The following EMID1 variants were observed in gnomAD, a reference collection of about 807,000 sequenced individuals.
EMID1 encodes the protein EMI domain containing 1.
EMID1 carries 40 observed loss-of-function variants against 60.6 expected under a neutral mutation model. The ratio of observed to expected loss-of-function variants is 0.66; its 90% CI spans 0.51 to 0.86. The LOEUF (loss-of-function observed/expected upper bound fraction) is 0.86. Among genes scored for constraint, EMID1 ranks in the 40% least tolerant of loss-of-function variants. The probability of loss-of-function intolerance (pLI) is 0.00; values close to 1 mark genes in which losing one functional copy is unlikely to be tolerated. For synonymous variants in EMID1, 242 were observed against 231.0 expected, an observed-to-expected ratio of 1.05 and a Z score of -0.43; for missense variants, 585 against 597.1, an observed-to-expected ratio of 0.98 and a Z score of 0.21.
intron 1 of EMID1, among the ~76,000 whole-genome samples, chr22:29,207,529 G>A (rs1051304436): frequency 2.6e-5 from 4 of 152,200 alleles, no homozygotes; most frequent in African/African-American, 9.6e-5. Context: ...GGATGATGGT[G>A]GCGACAGCTT....
chr22:29,231,053 C>T lies in EMID1; in HGVS notation c.499C>T (p.Pro167Ser). 1 of 1,614,044 alleles carries T rather than the reference C, an allele frequency of 6.2e-7. No homozygotes were observed. Among genetic ancestry groups the T allele is most frequent in the Non-Finnish European group, 8.5e-7 (1 of 1,179,956 alleles). The change falls in exon 6 of 15, where the codon CCT becomes TCT. Residue 167 changes from proline to serine, a missense_variant. Transcript: ENST00000334018. ...GCTGACTGTCATAGAGCAGCCAGTACCTCCAACACCAGCTACCCCTGAGGA... is the reference window on the plus strand; with the variant it reads ...GCTGACTGTCATAGAGCAGCCAGTATCTCCAACACCAGCTACCCCTGAGGA... ...TMLTVIEQPV[P>S]PTPATPEDPA... is the part of the protein sequence containing the mutation.
At chr22:29,231,526 G>A (rs1264000262) in intron 6 of EMID1, 67 bp from the exon 7 acceptor site, 3 of 1,498,588 alleles carry the variant, frequency 2.0e-6, no homozygotes, top group East Asian at 4.9e-5. Flanking sequence ...CTGGTTGGGG[G>A]GCTGGGGCCA....
chr22:29,218,275 A>AGTC (rs2040162195), intron 3 of EMID1, among the ~76,000 whole-genome samples: 1 of 152,156 alleles, frequency 6.6e-6, no homozygotes. Flanking sequence ...ACGGACCTTG[A>AGTC]GTCTCTGTGA....
rs1555890156 is a variant in EMID1 at position 29,254,300 on chromosome 22, A to T, written c.1204+13A>T. ...ATTGGGCTCTATGGTGAGTAGAGAC[A>T]GACAGACGGACAGACGGCCCAGCCC... On this transcript the variant is annotated intron_variant, in intron 14 of 14. Coordinates refer to ENST00000334018, the MANE Select transcript of EMID1 (RefSeq NM_133455.4). The T allele has an allele frequency of 3.0e-5, 49 of 1,612,176 alleles. No individual in the cohort carries two copies. In the South Asian group the frequency reaches 3.4e-4, roughly 11 times the overall value.
chr22:29,237,407 C>G (rs989839782), intron 12 of EMID1, among the ~76,000 whole-genome samples: 3 of 143,768 alleles, frequency 2.1e-5, no homozygotes, highest in African/African-American at 8.2e-5. Context: ...TCTCAAACTC[C>G]TGACCTCAGG....
intron 12 of EMID1, among the ~76,000 whole-genome samples, chr22:29,234,696 T>G (rs1379528038): frequency 6.6e-6 from 1 of 152,238 alleles, no homozygotes; most frequent in Non-Finnish European, 1.5e-5. Context: ...TCTTTGTTAT[T>G]AGGTGCATTC....
At chr22:29,248,941 C>T (rs1010139524) in intron 13 of EMID1, among the ~76,000 whole-genome samples, 3 of 152,164 alleles carry the variant, frequency 2.0e-5, no homozygotes, top group Non-Finnish European at 4.4e-5. Flanking sequence ...TGCAATCCAT[C>T]GTAGACTGAA....
In EMID1 at chr22:29,229,849, G is replaced by A. The variant is rs1224957108; in HGVS notation, c.466-1171G>A. Among the ~76,000 whole-genome samples the A allele has an allele frequency of 3.3e-5, 5 of 152,158 alleles. No homozygotes were observed. In the East Asian group the frequency reaches 9.6e-4, roughly 29 times the overall value. ...GTTCAGGATCTGCCAGAGAGTTTCA[G>A]CTTTTCTCTGGACAGGCCCCCACGA... On this transcript the variant is annotated intron_variant, in intron 5 of 14. Coordinates refer to ENST00000334018, the MANE Select transcript of EMID1 (RefSeq NM_133455.4).
At chr22:29,224,513 T>G (rs1238485083) in intron 3 of EMID1, among the ~76,000 whole-genome samples, 1 of 152,214 alleles carries the variant, frequency 6.6e-6, no homozygotes, top group Non-Finnish European at 1.5e-5. Context: ...GCCCTGGAAC[T>G]GGCTCCCCTT....
At chr22:29,239,932 C>T (rs2041095450) in intron 12 of EMID1, among the ~76,000 whole-genome samples, 1 of 117,106 alleles carries the variant, frequency 8.5e-6, no homozygotes, top group South Asian at 2.5e-4. Flanking sequence ...GCTAATCAAC[C>T]TCCCAAGCAG....
chr22:29,251,500 C>G (rs1006275290), intron 13 of EMID1, among the ~76,000 whole-genome samples: 18 of 151,282 alleles, frequency 1.2e-4, no homozygotes, highest in Admixed American at 9.9e-4. Flanking sequence ...CCATGCCAGC[C>G]CCCCCGGCGT....
rs1449939112 is a variant in EMID1, at chr22:29,225,114, C to T, written c.320-19C>T. The T allele has an allele frequency of 1.2e-6, 2 of 1,613,048 alleles. No individual in the cohort carries two copies. The highest frequency in any genetic ancestry group is 1.1e-5 in the South Asian group (1 of 91,050). ...GCAAGGATCACATGCCAGCAGGGCT[C>T]TCACCCTCCATCCCTTAGTTGCAGC... On this transcript the variant is annotated intron_variant, in intron 3 of 14. Coordinates refer to ENST00000334018, the MANE Select transcript of EMID1 (RefSeq NM_133455.4).
chr22:29,255,829 C>T (rs539837947), intron 14 of EMID1, among the ~76,000 whole-genome samples: 17 of 152,232 alleles, frequency 1.1e-4, no homozygotes, highest in African/African-American at 4.1e-4. Flanking sequence ...GGAGAGTGAA[C>T]AGGCAGAGAA....
intron 3 of EMID1, among the ~76,000 whole-genome samples, chr22:29,221,884 T>C (rs1291121793): frequency 6.6e-6 from 1 of 152,192 alleles, no homozygotes; most frequent in Non-Finnish European, 1.5e-5. Context: ...AACAGTTTTG[T>C]TATTTCTTTA....
Position 29,231,289 on chromosome 22 carries a change from T to A in EMID1, c.586+149T>A, listed in dbSNP as rs1026921406. 9 of 1,255,132 alleles carry A rather than the reference T, an allele frequency of 7.2e-6. No individual in the cohort carries two copies. The African/African-American group carries it at 1.4e-4, about 19-fold the overall frequency. The allele number at this position is 1,255,132 out of a possible 1,614,324, so 77.7% of individuals were successfully genotyped here. On this transcript the variant is annotated intron_variant, in intron 6 of 14. Transcript: ENST00000334018. Reference sequence around the variant, plus strand: ...CCATTTCCCGTTTCTTAGACCCGCCTAAGAGGACCGTCTCCTGGGACTCCT... The same window carrying A: ...CCATTTCCCGTTTCTTAGACCCGCCAAAGAGGACCGTCTCCTGGGACTCCT...
intron 5 of EMID1, 42 bp from the exon 6 acceptor site, chr22:29,230,978 G>C: frequency 6.3e-7 from 1 of 1,594,866 alleles, no homozygotes; most frequent in Non-Finnish European, 8.5e-7. Context: ...AGGGGTCCTA[G>C]TGAGACCCTG....
At chr22:29,230,674 T>G (rs1171855929) in intron 5 of EMID1, among the ~76,000 whole-genome samples, 2 of 151,958 alleles carry the variant, frequency 1.3e-5, no homozygotes, top group African/African-American at 4.8e-5. Flanking sequence ...CTGTCCGTGG[T>G]GAGACCCTGG....
intron 13 of EMID1, among the ~76,000 whole-genome samples, chr22:29,249,234 CT>C (rs912458576): frequency 1.3e-5 from 2 of 149,134 alleles, no homozygotes; most frequent in Admixed American, 1.3e-4. Flanking sequence ...GATGGCTTTT[CT>C]TTTTTTTTTC....
chr22:29,224,087 A>C (rs1484558495), intron 3 of EMID1, among the ~76,000 whole-genome samples: 1 of 152,148 alleles, frequency 6.6e-6, no homozygotes, highest in African/African-American at 2.4e-5. Flanking sequence ...GCCCTTGAGG[A>C]GGGTATGCTG....
Sources: gnomAD v4.1 joint callset for allele counts (sites outside exome capture counted in the v4.1 genomes callset) on GRCh38, gnomAD v4.1.1 for gene constraint, MANE v1.5 for transcripts, NCBI Gene and HGNC (gene_info 2026-07-23, HGNC 2026-07-21) for gene names.